Variants in CACNA1D observed in about 807,000 individuals in gnomAD.
CACNA1D encodes voltage-dependent L-type calcium channel subunit alpha-1D.
Under a neutral mutation model 257.1 loss-of-function variants are expected in CACNA1D, and 55 were observed. That is an observed-to-expected ratio of 0.21 (90% CI 0.17 to 0.27). The LOEUF (loss-of-function observed/expected upper bound fraction) is 0.27. CACNA1D is among the 10% of genes least tolerant of loss of function. The probability of loss-of-function intolerance (pLI) is 1.00; values close to 1 mark genes in which losing one functional copy is unlikely to be tolerated. For missense variants in CACNA1D, 1,876 were observed against 2,784.0 expected, an observed-to-expected ratio of 0.67 and a Z score of 7.34; for synonymous variants, 980 against 1,014.9, an observed-to-expected ratio of 0.97 and a Z score of 0.65.
intron 37 of CACNA1D, 40 bp from the exon 38 acceptor site, chr3:53,779,986 C>T (rs769791675): frequency 7.5e-7 from 1 of 1,337,544 alleles, no homozygotes; most frequent in Non-Finnish European, 1.1e-6. Flanking sequence ...CGTGGTCACT[C>T]ATTTGCATTC....
At chr3:53,579,393 G>A (rs1035734824) in intron 3 of CACNA1D, among the ~76,000 whole-genome samples, 3 of 151,822 alleles carry the variant, frequency 2.0e-5, no homozygotes, top group Non-Finnish European at 4.4e-5. Context: ...TTTTATTTTG[G>A]TTGCTTTTAC....
chr3:53,716,326 G>A (rs2094817737), intron 9 of CACNA1D, among the ~76,000 whole-genome samples: 1 of 152,186 alleles, frequency 6.6e-6, no homozygotes, highest in African/African-American at 2.4e-5. Flanking sequence ...CTCAACTCCT[G>A]GTCCCCTCAG....
chr3:53,674,770 G>A (rs369759285), intron 8 of CACNA1D, among the ~76,000 whole-genome samples: 52 of 152,266 alleles, frequency 3.4e-4, no homozygotes, highest in African/African-American at 1.2e-3. Flanking sequence ...GGTTGTGGGG[G>A]GCAGGCAGGA....
At chr3:53,558,075 AT>A (rs1455629121) in intron 3 of CACNA1D, among the ~76,000 whole-genome samples, 4 of 152,136 alleles carry the variant, frequency 2.6e-5, no homozygotes, top group African/African-American at 9.7e-5. Flanking sequence ...TATTACACTG[AT>A]TTTTGTTTGA....
At position 53,616,551 on chromosome 3, in the gene CACNA1D, G is replaced by A. The variant is rs148159414; in HGVS notation, c.484-34228G>A. On this transcript the variant is annotated intron_variant, in intron 3 of 47. Transcript: ENST00000350061. ...GGAGACAACTCTTCTGCTTTCTTCCGTCTTCTTCCTACCCACCCCCTGACC... is the reference window on the plus strand; with the variant it reads ...GGAGACAACTCTTCTGCTTTCTTCCATCTTCTTCCTACCCACCCCCTGACC... Among the ~76,000 whole-genome samples, 97 of 152,232 alleles carry A rather than the reference G, an allele frequency of 6.4e-4. 4 individuals are homozygous for A. The East Asian group carries it at 0.012, about 18-fold the overall frequency.
At chr3:53,658,005 CTA>C (rs1464736058) in intron 4 of CACNA1D, among the ~76,000 whole-genome samples, 2 of 152,232 alleles carry the variant, frequency 1.3e-5, no homozygotes, top group African/African-American at 4.8e-5. Flanking sequence ...CATTCAGGCT[CTA>C]TTACTTAAGC....
At chr3:53,741,203 G>C (rs568387077) in intron 21 of CACNA1D, among the ~76,000 whole-genome samples, 1 of 152,334 alleles carries the variant, frequency 6.6e-6, no homozygotes, top group African/African-American at 2.4e-5. Context: ...AAGAACCACA[G>C]GGCGTGGGTC....
chr3:53,698,541 A>T (rs913964764), intron 8 of CACNA1D, among the ~76,000 whole-genome samples: 36 of 152,214 alleles, frequency 2.4e-4, no homozygotes, highest in African/African-American at 8.2e-4. Context: ...TTTGTTTCAA[A>T]TCACTTTCAG....
intron 5 of CACNA1D, 126 bp downstream of exon 5, chr3:53,660,401 C>A: frequency 1.2e-6 from 1 of 834,132 alleles, no homozygotes; most frequent in Non-Finnish European, 2.0e-6. Flanking sequence ...TGACCATGGC[C>A]TCCTTCACAG....
chr3:53,669,834 G>T (rs1448972469), intron 7 of CACNA1D, among the ~76,000 whole-genome samples: 1 of 152,212 alleles, frequency 6.6e-6, no homozygotes, highest in African/African-American at 2.4e-5. Context: ...AGGCAGTAGG[G>T]TGTAGGGCAG....
At chr3:53,506,793 CA>C (rs1235598104) in intron 3 of CACNA1D, among the ~76,000 whole-genome samples, 1 of 152,196 alleles carries the variant, frequency 6.6e-6, no homozygotes, top group Non-Finnish European at 1.5e-5. Flanking sequence ...AGAAGAAAGA[CA>C]AGTACTTGAT....
intron 29 of CACNA1D, among the ~76,000 whole-genome samples, chr3:53,758,616 A>G (rs925020892): frequency 5.9e-5 from 9 of 152,354 alleles, no homozygotes; most frequent in Non-Finnish European, 1.2e-4. Flanking sequence ...TGAGGCCCAC[A>G]TTAGTCTGGT....
At chr3:53,629,827 G>T (rs527688537) in intron 3 of CACNA1D, among the ~76,000 whole-genome samples, 2 of 152,310 alleles carry the variant, frequency 1.3e-5, no homozygotes, top group East Asian at 3.9e-4. Context: ...AACTCTGCCA[G>T]TGCGTTCAAA....
intron 3 of CACNA1D, among the ~76,000 whole-genome samples, chr3:53,542,046 A>G (rs2092310521): frequency 6.6e-6 from 1 of 152,162 alleles, no homozygotes; most frequent in Non-Finnish European, 1.5e-5. Context: ...TTTCTTTTTG[A>G]GGTAATCAAA....
intron 8 of CACNA1D, among the ~76,000 whole-genome samples, chr3:53,699,961 G>C (rs543131378): frequency 5.9e-5 from 9 of 151,696 alleles, no homozygotes; most frequent in Non-Finnish European, 1.2e-4. Flanking sequence ...TGTTAAAAAG[G>C]CATAAAATAT....
intron 3 of CACNA1D, among the ~76,000 whole-genome samples, chr3:53,634,610 T>G (rs1031433346): frequency 1.3e-5 from 2 of 152,176 alleles, no homozygotes; most frequent in Admixed American, 1.3e-4. Context: ...TCCTCCAGCC[T>G]TTGGTTTTTA....
chr3:53,779,506 G>A (rs1576641325), intron 37 of CACNA1D, among the ~76,000 whole-genome samples: 2 of 152,240 alleles, frequency 1.3e-5, no homozygotes, highest in East Asian at 1.9e-4. Flanking sequence ...TGATCATGGA[G>A]GCTGGGAAGC....
At chr3:53,627,673 C>G (rs948698942) in intron 3 of CACNA1D, among the ~76,000 whole-genome samples, 3 of 151,854 alleles carry the variant, frequency 2.0e-5, no homozygotes, top group Admixed American at 2.0e-4. Context: ...CTTAGTGAGC[C>G]CTGGGCTGGG....
At chr3:53,710,374 T>C (rs1263902802) in intron 9 of CACNA1D, 1 of 455,864 alleles carries the variant, frequency 2.2e-6, no homozygotes, top group Non-Finnish European at 4.4e-6. Context: ...CATAATGAAA[T>C]TGCCTGTGTT....
Sources: allele counts gnomAD v4.1 joint callset (sites outside exome capture counted in the v4.1 genomes callset), GRCh38; gene constraint gnomAD v4.1.1; transcripts MANE v1.5; gene names NCBI Gene and HGNC (gene_info 2026-07-23, HGNC 2026-07-21).